CDC42BPA: variants seen among roughly 807,000 people sequenced by gnomAD.
CDC42BPA encodes CDC42 binding protein kinase alpha, also known as serine/threonine-protein kinase MRCK alpha.
A neutral mutation model predicts 223.5 loss-of-function variants in CDC42BPA; 80 were observed. That is an observed-to-expected ratio of 0.36 (90% CI 0.30 to 0.43). The LOEUF is 0.43. CDC42BPA is among the 20% of genes least tolerant of loss of function. CDC42BPA has a pLI of 1.00. For synonymous variants in CDC42BPA, 694 were observed against 718.6 expected (o/e 0.97, Z 0.55); for missense variants, 1,743 against 2,099.9 (o/e 0.83, Z 3.32).
intron 5 of CDC42BPA, among the ~76,000 whole-genome samples, chr1:227,168,503 T>TTTTTTTTTTTTG (rs1558663024): frequency 2.3e-5 from 3 of 129,712 alleles, no homozygotes; most frequent in African/African-American, 8.8e-5. Flanking sequence ...TGGTGTTTTT[T>TTTTTTTTTTTTG]TTTTTTTTTT....
At chr1:227,202,062 C>T (rs1288581200) in intron 3 of CDC42BPA, among the ~76,000 whole-genome samples, 4 of 152,198 alleles carry the variant, frequency 2.6e-5, no homozygotes, top group African/African-American at 7.2e-5. Flanking sequence ...CAGCTCACTG[C>T]AACCTCTGCC....
intron 21 of CDC42BPA, among the ~76,000 whole-genome samples, chr1:227,062,261 C>T (rs544029583): frequency 1.3e-5 from 2 of 152,266 alleles, no homozygotes; most frequent in South Asian, 2.1e-4. Context: ...CCCGCAAGTT[C>T]GCTCTGCCTG....
chr1:227,059,428 A>G, intron 21 of CDC42BPA: 1 of 1,556,390 alleles, frequency 6.4e-7, no homozygotes, highest in Non-Finnish European at 8.7e-7. Flanking sequence ...CAGAGAAAGG[A>G]GAATAGGACA....
At chr1:227,004,944 C>G (rs761675099) in intron 35 of CDC42BPA, 50 bp downstream of exon 35, 19 of 1,229,052 alleles carry the variant, frequency 1.5e-5, no homozygotes, top group African/African-American at 5.9e-5. Context: ...GGGGAGGGAG[C>G]TGGGGGTCAC....
At chr1:227,069,656 T>G in intron 21 of CDC42BPA, 121 bp downstream of exon 21, 2 of 622,094 alleles carry the variant, frequency 3.2e-6, no homozygotes, top group South Asian at 2.3e-5. Flanking sequence ...TTTTTGTTTA[T>G]TTAAGATTCT....
At chr1:227,302,687 T>C (rs963654954) in intron 1 of CDC42BPA, among the ~76,000 whole-genome samples, 1 of 152,166 alleles carries the variant, frequency 6.6e-6, no homozygotes, top group Non-Finnish European at 1.5e-5. Flanking sequence ...TTTTCTTGTA[T>C]TGATGATTTT....
At chr1:227,036,798 G>C (rs17529652) in intron 24 of CDC42BPA, among the ~76,000 whole-genome samples, 2,755 of 152,254 alleles carry the variant, frequency 0.018, 32 homozygotes, top group Middle Eastern at 0.031. Flanking sequence ...AAGGGCAGTG[G>C]AAGCAACAAA....
At chr1:227,216,371 T>C (rs1288829090) in intron 2 of CDC42BPA, among the ~76,000 whole-genome samples, 1 of 152,116 alleles carries the variant, frequency 6.6e-6, no homozygotes, top group Admixed American at 6.5e-5. Flanking sequence ...AGACTACACA[T>C]GTATGTGGTT....
intron 15 of CDC42BPA, 75 bp downstream of exon 15, chr1:227,100,917 T>C (rs1380734577): frequency 3.2e-6 from 3 of 949,956 alleles, no homozygotes; most frequent in Non-Finnish European, 4.7e-6. Flanking sequence ...GTTTATTGTC[T>C]ATGTATCTCC....
intron 23 of CDC42BPA, among the ~76,000 whole-genome samples, chr1:227,042,500 T>C (rs1671581991): frequency 6.6e-6 from 1 of 152,058 alleles, no homozygotes; most frequent in Non-Finnish European, 1.5e-5. Context: ...GATTAACGGG[T>C]TTATATTTCA....
At chr1:227,121,823 C>T (rs1486411771) in intron 11 of CDC42BPA, among the ~76,000 whole-genome samples, 10 of 139,058 alleles carry the variant, frequency 7.2e-5, no homozygotes, top group Admixed American at 1.5e-4. Context: ...TTTTTGGAGA[C>T]GGAGTCTTGC....
chr1:227,079,721 T>C (rs530417104), intron 17 of CDC42BPA, among the ~76,000 whole-genome samples: 1 of 152,172 alleles, frequency 6.6e-6, no homozygotes, highest in East Asian at 1.9e-4. Context: ...GAGCTCTTAA[T>C]GGAAAAACAT....
intron 12 of CDC42BPA, among the ~76,000 whole-genome samples, chr1:227,117,931 A>G (rs1367607774): frequency 6.6e-6 from 1 of 152,206 alleles, no homozygotes; most frequent in Non-Finnish European, 1.5e-5. Flanking sequence ...ACCAGTAAGA[A>G]AAAAACCCAA....
chr1:227,272,102 C>A (rs957773247), intron 1 of CDC42BPA, among the ~76,000 whole-genome samples: 1 of 152,066 alleles, frequency 6.6e-6, no homozygotes, highest in Admixed American at 6.6e-5. Flanking sequence ...TTTAAAAGTT[C>A]TTCCAAATTA....
intron 8 of CDC42BPA, among the ~76,000 whole-genome samples, chr1:227,144,262 A>G (rs1660249302): frequency 6.6e-6 from 1 of 152,204 alleles, no homozygotes; most frequent in Non-Finnish European, 1.5e-5. Context: ...AACTGAATAA[A>G]AATAAAAGCT....
chr1:227,188,090 A>G (rs141948560), intron 5 of CDC42BPA, among the ~76,000 whole-genome samples: 194 of 152,302 alleles, frequency 1.3e-3, no homozygotes, highest in African/African-American at 4.1e-3. Context: ...CAGAGAATGA[A>G]TAAGTGAAGG....
intron 34 of CDC42BPA, among the ~76,000 whole-genome samples, chr1:227,008,787 C>T (rs562113591): frequency 2.6e-5 from 4 of 152,284 alleles, no homozygotes; most frequent in Admixed American, 2.0e-4. Context: ...CTGCCATCTA[C>T]ATGCCATCTA....
Position 227,186,012 on chromosome 1 carries a change from A to G in CDC42BPA, c.599+7774T>C, listed in dbSNP as rs189780487. ...GTCACAGGGCAAACTGTTGTCCCCA[A>G]ATTGGACAGACAGGTGGCTATGGAG... On this transcript the variant is annotated intron_variant, in intron 5 of 36. Transcript: ENST00000366766. Among the ~76,000 whole-genome samples, 58 of 152,294 alleles carry G rather than the reference A, an allele frequency of 3.8e-4. 1 individual carries two copies. Among genetic ancestry groups the G allele is most frequent in the Admixed American group, 2.9e-3 (44 of 15,306 alleles).
chr1:227,221,307 A>G (rs1373127593), intron 2 of CDC42BPA, among the ~76,000 whole-genome samples: 3 of 152,154 alleles, frequency 2.0e-5, no homozygotes, highest in Non-Finnish European at 2.9e-5. Context: ...GCCTCAGTTA[A>G]TACCAATATG....
Sources: gnomAD v4.1 joint callset for allele counts (sites outside exome capture counted in the v4.1 genomes callset) on GRCh38, gnomAD v4.1.1 for gene constraint, MANE v1.5 for transcripts, NCBI Gene and HGNC (gene_info 2026-07-23, HGNC 2026-07-21) for gene names.